WWOX: variants seen among roughly 807,000 people sequenced by gnomAD.
The protein encoded by WWOX is WW domain-containing oxidoreductase.
WWOX carries 69 observed loss-of-function variants against 46.2 expected under a neutral mutation model. That is an observed-to-expected ratio of 1.49 (90% CI 1.23 to 1.82). The LOEUF is 1.82. Among genes scored for constraint, WWOX ranks in the 40% most tolerant of loss-of-function variants. The pLI is 0.00. For synonymous variants in WWOX, 359 were observed against 202.6 expected (o/e 1.77, Z -6.56); for missense variants, 919 against 542.6 (o/e 1.69, Z -6.89).
At chr16:78,636,261 A>G (rs1435794705) in intron 8 of WWOX, among the ~76,000 whole-genome samples, 2 of 152,200 alleles carry the variant, frequency 1.3e-5, no homozygotes, top group Non-Finnish European at 2.9e-5. Context: ...GCTAAGGGTT[A>G]TTGCAAACCT....
At chr16:78,392,943 G>A (rs570757460) in intron 6 of WWOX, among the ~76,000 whole-genome samples, 38 of 152,150 alleles carry the variant, frequency 2.5e-4, no homozygotes, top group Non-Finnish European at 4.1e-4. Flanking sequence ...CCTGCTTCCA[G>A]ATAGTTCTCC....
At chr16:79,143,229 C>T (rs546553762) in intron 8 of WWOX, among the ~76,000 whole-genome samples, 1 of 152,220 alleles carries the variant, frequency 6.6e-6, no homozygotes, top group African/African-American at 2.4e-5. Context: ...TTCCCTGCTT[C>T]CCCCTCCTGG....
chr16:79,161,477 A>T (rs2050485595), intron 8 of WWOX, among the ~76,000 whole-genome samples: 1 of 152,190 alleles, frequency 6.6e-6, no homozygotes, highest in Non-Finnish European at 1.5e-5. Context: ...AGAAGAGAGG[A>T]AATGAAAATG....
intron 8 of WWOX, among the ~76,000 whole-genome samples, chr16:78,637,721 T>TTG (rs2046608617): frequency 6.6e-6 from 1 of 152,192 alleles, no homozygotes; most frequent in South Asian, 2.1e-4. Context: ...GCCCTTCCAT[T>TTG]TGAAAGGAGC....
chr16:79,194,611 C>T (rs537852881), intron 8 of WWOX, among the ~76,000 whole-genome samples: 10 of 152,128 alleles, frequency 6.6e-5, no homozygotes, highest in Non-Finnish European at 1.5e-4. Context: ...CATCCTTCTC[C>T]ACCCCCGTTC....
At position 78,731,921 on chromosome 16, in the gene WWOX, C is replaced by G. The variant is rs189808403; in HGVS notation, c.1056+299169C>G. ...GGAGTGCAGTGGTGCCTTCACAGCT[C>G]TTTGCAGCCTTGAACTCTGGGCTCA... On this transcript the variant is annotated intron_variant, in intron 8 of 8. Coordinates refer to ENST00000566780, the MANE Select transcript of WWOX (RefSeq NM_016373.4). Among the ~76,000 whole-genome samples, 6 of 147,944 alleles carry G rather than the reference C, an allele frequency of 4.1e-5. No homozygotes were observed. The East Asian group carries it at 1.2e-3, about 29-fold the overall frequency.
chr16:78,841,726 G>A (rs1020375189), intron 8 of WWOX, among the ~76,000 whole-genome samples: 3 of 152,228 alleles, frequency 2.0e-5, no homozygotes, highest in Non-Finnish European at 2.9e-5. Flanking sequence ...ACTCCTGTCC[G>A]AGAAGTTACC....
intron 6 of WWOX, among the ~76,000 whole-genome samples, chr16:78,416,239 A>G (rs757384791): frequency 2.6e-5 from 4 of 152,204 alleles, no homozygotes; most frequent in Non-Finnish European, 5.9e-5. Flanking sequence ...TCATCATCTC[A>G]GAGCCTTTTG....
chr16:79,196,265 C>T (rs2051237969), intron 8 of WWOX: 1 of 152,204 alleles, frequency 6.6e-6, no homozygotes, highest in African/African-American at 2.4e-5. Context: ...TTGTGTATTA[C>T]ACATATACAA....
rs12449126 is a variant in WWOX, at chr16:78,988,352, A to C, written c.1057-223256A>C. Among the ~76,000 whole-genome samples the C allele has an allele frequency of 9.3e-3, 852 of 91,628 alleles. 4 individuals carry two copies. Among genetic ancestry groups the C allele is most frequent in the African/African-American group, 0.029 (831 of 28,314 alleles). The allele number at this position is 91,628 out of a possible 152,430, so 60.1% of individuals were successfully genotyped here. A position where few individuals can be genotyped will look rare whatever the true frequency, so the allele number is the denominator to read the frequency against. ...AGAGCAAAACTCTGTCTCAAAAAAA[A>C]TAAAAAAAAAAAAAAAAGAAAGAAA... On this transcript the variant is annotated intron_variant, in intron 8 of 8. Coordinates refer to ENST00000566780, the MANE Select transcript of WWOX (RefSeq NM_016373.4).
intron 8 of WWOX, among the ~76,000 whole-genome samples, chr16:78,506,853 CAGGCA>C (rs1417405520): frequency 2.0e-5 from 3 of 151,964 alleles, no homozygotes; most frequent in African/African-American, 7.3e-5. Context: ...GCTGGAACTA[CAGGCA>C]CCTACCACCA....
chr16:78,850,152 G>A (rs71398108), intron 8 of WWOX, among the ~76,000 whole-genome samples: 1 of 151,802 alleles, frequency 6.6e-6, no homozygotes, highest in African/African-American at 2.4e-5. Flanking sequence ...CTGTGTGTGT[G>A]AGTGTGTGTG....
intron 8 of WWOX, among the ~76,000 whole-genome samples, chr16:78,741,263 A>G (rs577618922): frequency 6.6e-6 from 1 of 152,336 alleles, no homozygotes; most frequent in East Asian, 1.9e-4. Context: ...TTTAGCAAAT[A>G]AAATTGCAGG....
chr16:78,729,890 T>C (rs1175848187), intron 8 of WWOX, among the ~76,000 whole-genome samples: 1 of 152,138 alleles, frequency 6.6e-6, no homozygotes. Context: ...CAGGGCTCTA[T>C]TTAGATTTAA....
intron 8 of WWOX, among the ~76,000 whole-genome samples, chr16:79,105,171 A>C (rs1469258621): frequency 6.6e-6 from 1 of 152,218 alleles, no homozygotes; most frequent in African/African-American, 2.4e-5. Flanking sequence ...GAACAGGAAC[A>C]GAACCAGCAC....
At chr16:78,236,686 TAG>T (rs1379112916) in intron 5 of WWOX, among the ~76,000 whole-genome samples, 2 of 152,174 alleles carry the variant, frequency 1.3e-5, no homozygotes, top group South Asian at 4.1e-4. Context: ...AAAGCGTGAC[TAG>T]AGTTTCATAG....
At chr16:78,354,167 T>C (rs2081237892) in intron 5 of WWOX, among the ~76,000 whole-genome samples, 1 of 152,208 alleles carries the variant, frequency 6.6e-6, no homozygotes, top group South Asian at 2.1e-4. Context: ...TTTTGGTTTT[T>C]ATCAGTTACC....
Position 78,282,419 on chromosome 16 carries a change from C to G in WWOX, c.517-104441C>G, listed in dbSNP as rs1465388907. ...TACTAGTGGTCAGCAAAGAACAGTT[C>G]TTTTGTAAATTGCACTGCATTAAGA... On this transcript the variant is annotated intron_variant, in intron 5 of 8. Coordinates refer to ENST00000566780, the MANE Select transcript of WWOX (RefSeq NM_016373.4). Among the ~76,000 whole-genome samples, 3 of 152,282 alleles carry G rather than the reference C, an allele frequency of 2.0e-5. No individual in the cohort carries two copies. In the East Asian group the frequency reaches 5.8e-4, roughly 29 times the overall value.
At chr16:78,190,058 T>C (rs931755219) in intron 5 of WWOX, among the ~76,000 whole-genome samples, 1 of 152,218 alleles carries the variant, frequency 6.6e-6, no homozygotes, top group Admixed American at 6.5e-5. Context: ...TTGGTATTAA[T>C]AGCTCCATCT....
Sources: gnomAD v4.1 joint callset for allele counts (sites outside exome capture counted in the v4.1 genomes callset) on GRCh38, gnomAD v4.1.1 for gene constraint, MANE v1.5 for transcripts, NCBI Gene and HGNC (gene_info 2026-07-23, HGNC 2026-07-21) for gene names.